Variants in FHIT observed in about 807,000 individuals in gnomAD.
The protein encoded by FHIT is fragile histidine triad diadenosine triphosphatase.
A neutral mutation model predicts 17.9 loss-of-function variants in FHIT; 19 were observed. The ratio of observed to expected loss-of-function variants is 1.06; its 90% CI spans 0.74 to 1.56. The LOEUF (loss-of-function observed/expected upper bound fraction) is 1.56. Ranked by LOEUF, FHIT falls within the 40% of genes most tolerant of loss-of-function variation. FHIT has a pLI of 0.00. For synonymous variants in FHIT, 81 were observed against 69.7 expected, an observed-to-expected ratio of 1.16 and a Z score of -0.81; for missense variants, 248 against 189.2, an observed-to-expected ratio of 1.31 and a Z score of -1.82.
intron 8 of FHIT, among the ~76,000 whole-genome samples, chr3:59,766,350 A>C (rs1344752961): frequency 1.3e-5 from 2 of 152,234 alleles, no homozygotes; most frequent in Non-Finnish European, 2.9e-5. Context: ...AATGTCCACC[A>C]AAGTTGCAAC....
At chr3:60,789,482 C>T (rs910415587) in intron 4 of FHIT, among the ~76,000 whole-genome samples, 6 of 152,182 alleles carry the variant, frequency 3.9e-5, no homozygotes, top group Non-Finnish European at 7.3e-5. Flanking sequence ...TGTGCCACTG[C>T]ACTCCAGCCT....
chr3:61,022,713 C>A (rs1372423065), intron 3 of FHIT, among the ~76,000 whole-genome samples: 1 of 152,122 alleles, frequency 6.6e-6, no homozygotes, highest in African/African-American at 2.4e-5. Flanking sequence ...TAAACATAAT[C>A]CCTCACATAA....
intron 5 of FHIT, among the ~76,000 whole-genome samples, chr3:60,147,062 G>A (rs1033902521): frequency 1.3e-5 from 2 of 152,078 alleles, no homozygotes; most frequent in Admixed American, 6.5e-5. Context: ...ATAAAGGAGC[G>A]GAACTGGTAA....
At chr3:59,793,775 A>G (rs1220006040) in intron 8 of FHIT, among the ~76,000 whole-genome samples, 1 of 152,210 alleles carries the variant, frequency 6.6e-6, no homozygotes, top group Non-Finnish European at 1.5e-5. Context: ...TTGAAAGATG[A>G]AATCATTCTG....
intron 5 of FHIT, among the ~76,000 whole-genome samples, chr3:60,519,872 C>T (rs1030202930): frequency 6.6e-6 from 1 of 152,062 alleles, no homozygotes; most frequent in African/African-American, 2.4e-5. Flanking sequence ...CATGAGAGAT[C>T]ACTTTTTACT....
At chr3:60,047,179 T>G (rs1016955165) in intron 5 of FHIT, among the ~76,000 whole-genome samples, 1 of 152,216 alleles carries the variant, frequency 6.6e-6, no homozygotes, top group Non-Finnish European at 1.5e-5. Context: ...GCCCTCTGGT[T>G]TGTGAGGGCT....
intron 5 of FHIT, among the ~76,000 whole-genome samples, chr3:60,382,229 C>A (rs553484447): frequency 6.6e-6 from 1 of 152,178 alleles, no homozygotes; most frequent in Non-Finnish European, 1.5e-5. Flanking sequence ...ACATCTCTTG[C>A]GGACATAGAA....
At chr3:60,069,897 T>A (rs1008000629) in intron 5 of FHIT, among the ~76,000 whole-genome samples, 7 of 152,268 alleles carry the variant, frequency 4.6e-5, no homozygotes, top group South Asian at 2.1e-4. Context: ...TAATATAAAT[T>A]TACCATATAA....
intron 5 of FHIT, among the ~76,000 whole-genome samples, chr3:60,254,646 T>C (rs979754238): frequency 1.3e-5 from 2 of 152,150 alleles, no homozygotes; most frequent in African/African-American, 4.8e-5. Context: ...ACAGGAGTAA[T>C]GTGGTATTTG....
At chr3:59,934,891 A>G (rs1368645260) in intron 7 of FHIT, among the ~76,000 whole-genome samples, 1 of 152,182 alleles carries the variant, frequency 6.6e-6, no homozygotes, top group Non-Finnish European at 1.5e-5. Context: ...GATTATGGGA[A>G]CTACAATTCA....
At chr3:59,939,720 C>A (rs1706418275) in intron 7 of FHIT, among the ~76,000 whole-genome samples, 1 of 152,098 alleles carries the variant, frequency 6.6e-6, no homozygotes, top group African/African-American at 2.4e-5. Context: ...ACAATCAATT[C>A]TTTAAAATTA....
chr3:60,723,043 G>T (rs2041843509), intron 4 of FHIT, among the ~76,000 whole-genome samples: 1 of 152,172 alleles, frequency 6.6e-6, no homozygotes, highest in South Asian at 2.1e-4. Context: ...TAATTCACTT[G>T]TTTCTGGGCA....
intron 7 of FHIT, among the ~76,000 whole-genome samples, chr3:60,000,285 G>T (rs904783557): frequency 6.6e-6 from 1 of 152,182 alleles, no homozygotes; most frequent in Non-Finnish European, 1.5e-5. Context: ...ACTTAGACTG[G>T]GATGGGCAAA....
chr3:60,727,463 A>G (rs2041939550), intron 4 of FHIT, among the ~76,000 whole-genome samples: 1 of 152,222 alleles, frequency 6.6e-6, no homozygotes, highest in Admixed American at 6.5e-5. Context: ...ACAGCAATAG[A>G]AGCAGATAGT....
At chr3:60,430,542 TG>T (rs1416887829) in intron 5 of FHIT, among the ~76,000 whole-genome samples, 1 of 152,134 alleles carries the variant, frequency 6.6e-6, no homozygotes, top group African/African-American at 2.4e-5. Flanking sequence ...TTTCTTGCAC[TG>T]TTACTTTTAC....
intron 3 of FHIT, among the ~76,000 whole-genome samples, chr3:60,908,851 T>C (rs1215091056): frequency 1.3e-5 from 2 of 152,114 alleles, no homozygotes; most frequent in Non-Finnish European, 2.9e-5. Flanking sequence ...ATTTCACTCA[T>C]TCATTTAATG....
intron 7 of FHIT, among the ~76,000 whole-genome samples, chr3:60,005,214 G>C (rs961692578): frequency 2.0e-5 from 3 of 152,138 alleles, no homozygotes; most frequent in Non-Finnish European, 4.4e-5. Flanking sequence ...AAGTAAATAA[G>C]AACGTGAAAA....
chr3:61,124,990 G>A (rs2036567257), intron 2 of FHIT, among the ~76,000 whole-genome samples: 1 of 152,130 alleles, frequency 6.6e-6, no homozygotes, highest in Non-Finnish European at 1.5e-5. Flanking sequence ...ACAGTCTGCA[G>A]TGCCTCTAGG....
intron 7 of FHIT, among the ~76,000 whole-genome samples, chr3:60,009,347 A>G (rs755448978): frequency 1.6e-4 from 24 of 152,182 alleles, no homozygotes; most frequent in Non-Finnish European, 3.1e-4. Context: ...GCAAAACAGC[A>G]TAACCTGCTG....
Sources: gnomAD v4.1 joint callset for allele counts (sites outside exome capture counted in the v4.1 genomes callset) on GRCh38, gnomAD v4.1.1 for gene constraint, MANE v1.5 for transcripts, NCBI Gene and HGNC (gene_info 2026-07-23, HGNC 2026-07-21) for gene names.